PCDH15: variants seen among roughly 807,000 people sequenced by gnomAD.
PCDH15 encodes the protein protocadherin-15.
PCDH15 carries 129 observed loss-of-function variants against 178.5 expected under a neutral mutation model. The observed-to-expected ratio is 0.72, with a 90% CI of 0.63 to 0.84. The LOEUF (loss-of-function observed/expected upper bound fraction) is 0.84, where lower values mean the gene tolerates loss of function less well. Among genes scored for constraint, PCDH15 ranks in the 40% least tolerant of loss-of-function variants. The pLI, the probability that PCDH15 is intolerant of heterozygous loss-of-function variation, is 0.00. For missense variants in PCDH15, 2,230 were observed against 2,099.9 expected (o/e 1.06, Z -1.21); for synonymous variants, 800 against 732.0 (o/e 1.09, Z -1.50).
chr10:54,125,934 C>T (rs1409771701), intron 15 of PCDH15, among the ~76,000 whole-genome samples: 3 of 152,040 alleles, frequency 2.0e-5, no homozygotes, highest in Non-Finnish European at 4.4e-5. Context: ...TGTATCCATT[C>T]TCCTCTTTTA....
chr10:54,528,482 A>G lies in PCDH15; in HGVS notation c.92-605T>C, dbSNP rs1306090496. 15 of 1,074,254 alleles carry G rather than the reference A, an allele frequency of 1.4e-5. No homozygotes were observed. In the Admixed American group the frequency reaches 3.5e-4, roughly 25 times the overall value. 66.5% of individuals were successfully genotyped at this position (1,074,254 alleles called of 1,614,324 possible). ...AGAAAGGAAGAGAGAATATATGTAT[A>G]TATTTAGTGAGAGATTTAAGGATAT... On this transcript the variant is annotated intron_variant, in intron 2 of 37. Coordinates refer to ENST00000644397, the MANE Select transcript of PCDH15 (RefSeq NM_001384140.1).
At chr10:55,515,059 G>A (rs921971681) in intron 2 of PCDH15, among the ~76,000 whole-genome samples, 2 of 144,300 alleles carry the variant, frequency 1.4e-5, no homozygotes, top group African/African-American at 5.2e-5. Flanking sequence ...GTGCGATCTC[G>A]GCTCACTGCA....
chr10:54,303,763 C>A (rs1202749554), intron 8 of PCDH15, among the ~76,000 whole-genome samples: 2 of 152,096 alleles, frequency 1.3e-5, no homozygotes, highest in African/African-American at 2.4e-5. Flanking sequence ...ACCAGACTGA[C>A]AAATAAGCAT....
intron 27 of PCDH15, among the ~76,000 whole-genome samples, chr10:53,865,141 T>G (rs1322750144): frequency 3.4e-4 from 52 of 152,164 alleles, no homozygotes; most frequent in Non-Finnish European, 8.8e-5. Flanking sequence ...GAATTTTGTA[T>G]GTTTTTGCAG....
In PCDH15 at chr10:54,057,375, C is replaced by G. The variant is rs756249115; in HGVS notation, c.2220+9382G>C. ...TTCCATACATCCTCTGAAATCTAGG[C>G]AGAGGTTCCCAAACCTTAATTATTG... On this transcript the variant is annotated intron_variant, in intron 18 of 37. Coordinates refer to ENST00000644397, the MANE Select transcript of PCDH15 (RefSeq NM_001384140.1). Among the ~76,000 whole-genome samples the G allele has an allele frequency of 7.2e-4, 109 of 152,340 alleles. No individual in the cohort carries two copies. In the Middle Eastern group the frequency reaches 0.02, roughly 29 times the overall value.
intron 2 of PCDH15, among the ~76,000 whole-genome samples, chr10:55,559,877 A>G (rs1842161472): frequency 6.6e-6 from 1 of 151,892 alleles, no homozygotes; most frequent in Non-Finnish European, 1.5e-5. Flanking sequence ...ATAATATTTC[A>G]AAGTACCAAA....
intron 25 of PCDH15, among the ~76,000 whole-genome samples, chr10:53,927,081 T>C (rs752626779): frequency 1.3e-5 from 2 of 152,078 alleles, no homozygotes; most frequent in African/African-American, 2.4e-5. Context: ...GGAACAGAGT[T>C]GTTGAAAGTG....
At chr10:54,779,447 T>TAC (rs1555192745) in intron 1 of PCDH15, among the ~76,000 whole-genome samples, 1 of 131,950 alleles carries the variant, frequency 7.6e-6, no homozygotes, top group Non-Finnish European at 1.6e-5. Flanking sequence ...TATATATATA[T>TAC]ACACTCATAT....
chr10:53,921,985 A>G (rs1264900053), intron 25 of PCDH15, among the ~76,000 whole-genome samples: 1 of 152,218 alleles, frequency 6.6e-6, no homozygotes, highest in Non-Finnish European at 1.5e-5. Context: ...TTAATCAAGT[A>G]TTAAATTTTA....
chr10:54,330,585 T>A (rs10825307), intron 6 of PCDH15, among the ~76,000 whole-genome samples: 102,441 of 151,568 alleles, frequency 0.68, 35,349 homozygotes, highest in Middle Eastern at 0.82. Flanking sequence ...TTATATATCA[T>A]TTTTTTCTTT....
intron 13 of PCDH15, among the ~76,000 whole-genome samples, chr10:54,166,456 C>A (rs940068986): frequency 6.6e-6 from 1 of 152,138 alleles, no homozygotes; most frequent in Non-Finnish European, 1.5e-5. Context: ...GAAAGTAATA[C>A]AACATGTAGC....
chr10:54,529,666 T>C (rs11004350), intron 2 of PCDH15, among the ~76,000 whole-genome samples: 40,610 of 152,060 alleles, frequency 0.27, 6,023 homozygotes, highest in Admixed American at 0.37. Context: ...TGTTGCCTTT[T>C]TTTGCCTAGC....
intron 21 of PCDH15, among the ~76,000 whole-genome samples, chr10:53,965,517 A>G (rs953862481): frequency 9.2e-5 from 14 of 152,228 alleles, no homozygotes; most frequent in Admixed American, 9.2e-4. Flanking sequence ...TTTCAGTACT[A>G]TCTTAAAGGC....
intron 1 of PCDH15, among the ~76,000 whole-genome samples, chr10:54,670,343 G>A (rs1237977967): frequency 2.0e-5 from 3 of 152,014 alleles, no homozygotes; most frequent in Non-Finnish European, 2.9e-5. Context: ...GTAAGTCCAA[G>A]CTCTGGCATT....
intron 3 of PCDH15, among the ~76,000 whole-genome samples, chr10:54,397,839 T>C (rs1951440508): frequency 6.6e-6 from 1 of 151,988 alleles, no homozygotes; most frequent in South Asian, 2.1e-4. Flanking sequence ...ACAAGGATTC[T>C]AGACCTTTTA....
At chr10:53,830,152 A>G (rs1183395049) in intron 30 of PCDH15, among the ~76,000 whole-genome samples, 2 of 152,198 alleles carry the variant, frequency 1.3e-5, no homozygotes, top group African/African-American at 2.4e-5. Flanking sequence ...AAATACAAAA[A>G]TTAGCCAGGT....
At chr10:54,548,330 G>A (rs1207316997) in intron 2 of PCDH15, among the ~76,000 whole-genome samples, 1 of 147,604 alleles carries the variant, frequency 6.8e-6, no homozygotes, top group African/African-American at 2.5e-5. Flanking sequence ...TTAGATTTTT[G>A]TCTTTCATAT....
intron 9 of PCDH15, among the ~76,000 whole-genome samples, chr10:54,222,951 C>A (rs1024996468): frequency 2.0e-5 from 3 of 152,230 alleles, no homozygotes; most frequent in African/African-American, 7.2e-5. Context: ...AAAGCAAATG[C>A]GTTTTTACTT....
chr10:54,686,041 A>ATTTTT (rs66539612), intron 1 of PCDH15, among the ~76,000 whole-genome samples: 2,255 of 126,756 alleles, frequency 0.018, 48 homozygotes, highest in East Asian at 0.035. Flanking sequence ...AAGACAGCCA[A>ATTTTT]TTTTTTTTTT....
Sources: allele counts gnomAD v4.1 joint callset (sites outside exome capture counted in the v4.1 genomes callset), GRCh38; gene constraint gnomAD v4.1.1; transcripts MANE v1.5; gene names NCBI Gene and HGNC (gene_info 2026-07-23, HGNC 2026-07-21).